The following ARID1B variants were observed in gnomAD, a reference collection of about 807,000 sequenced individuals.
ARID1B encodes the protein AT-rich interaction domain 1B.
ARID1B carries 30 observed loss-of-function variants against 212.3 expected under a neutral mutation model. The ratio of observed to expected loss-of-function variants is 0.14; its 90% confidence interval spans 0.11 to 0.19. The LOEUF (loss-of-function observed/expected upper bound fraction) is 0.19. ARID1B is among the 10% of genes least tolerant of loss of function. ARID1B has a pLI of 1.00. For synonymous variants in ARID1B, 1,402 were observed against 1,301.7 expected (o/e 1.08, Z -1.66); for missense variants, 2,891 against 3,204.0 (o/e 0.90, Z 2.36).
At chr6:157,073,259 C>T (rs1157454942) in intron 4 of ARID1B, among the ~76,000 whole-genome samples, 1 of 152,028 alleles carries the variant, frequency 6.6e-6, no homozygotes, top group East Asian at 1.9e-4. Context: ...TACACCACAA[C>T]ACCTGCCTAA....
intron 4 of ARID1B, 32 bp from the exon 5 acceptor site, chr6:157,084,625 ACGTGT>A: frequency 6.3e-7 from 1 of 1,598,980 alleles, no homozygotes; most frequent in Middle Eastern, 1.7e-4. Context: ...ATTCATCCAA[ACGTGT>A]CACTCTATAA....
intron 4 of ARID1B, among the ~76,000 whole-genome samples, chr6:157,064,196 C>T (rs368513667): frequency 4.4e-4 from 67 of 152,148 alleles, no homozygotes; most frequent in Non-Finnish European, 8.1e-4. Context: ...CTGATCAGCC[C>T]CTCGTTTGAC....
At chr6:156,786,346 C>T (rs1779629061) in intron 1 of ARID1B, among the ~76,000 whole-genome samples, 1 of 151,904 alleles carries the variant, frequency 6.6e-6, no homozygotes, top group Admixed American at 6.6e-5. Flanking sequence ...ACTTTTTAGT[C>T]CTCTGCAAAA....
At chr6:157,080,572 C>T (rs1037256130) in intron 4 of ARID1B, among the ~76,000 whole-genome samples, 1 of 152,164 alleles carries the variant, frequency 6.6e-6, no homozygotes, top group Non-Finnish European at 1.5e-5. Flanking sequence ...ATCTTTATTC[C>T]TTCTGACGCT....
chr6:156,880,774 AG>A (rs71558289), intron 2 of ARID1B, among the ~76,000 whole-genome samples: 1,080 of 42,334 alleles, frequency 0.026, 9 homozygotes, highest in African/African-American at 0.085. Context: ...AGAAAAGAAA[AG>A]AAAAACACAC....
intron 2 of ARID1B, among the ~76,000 whole-genome samples, chr6:156,848,145 G>A (rs576925243): frequency 7.2e-5 from 11 of 152,302 alleles, no homozygotes; most frequent in South Asian, 2.1e-4. Flanking sequence ...AGAAATTTCC[G>A]ATTAATACTT....
intron 3 of ARID1B, chr6:156,902,244 T>G (rs917330408): frequency 5.3e-5 from 8 of 152,210 alleles, no homozygotes; most frequent in African/African-American, 1.7e-4. Flanking sequence ...AAAGAAGTAG[T>G]GAGTGAGGGA....
At chr6:156,967,204 T>C (rs1171660078) in intron 4 of ARID1B, among the ~76,000 whole-genome samples, 2 of 152,266 alleles carry the variant, frequency 1.3e-5, no homozygotes, top group Non-Finnish European at 2.9e-5. Flanking sequence ...TTTCAAAATG[T>C]ACCTTATATT....
intron 2 of ARID1B, among the ~76,000 whole-genome samples, chr6:156,864,287 G>A (rs1035161924): frequency 3.3e-5 from 5 of 152,184 alleles, no homozygotes; most frequent in Admixed American, 3.3e-4. Flanking sequence ...GGGATAAGGA[G>A]AGGATGCTCT....
chr6:156,851,743 G>A (rs1242836468), intron 2 of ARID1B, among the ~76,000 whole-genome samples: 1 of 152,178 alleles, frequency 6.6e-6, no homozygotes, highest in Non-Finnish European at 1.5e-5. Context: ...AATATTTATT[G>A]GTCGAGTGCT....
intron 1 of ARID1B, among the ~76,000 whole-genome samples, chr6:156,790,743 G>C (rs1472167146): frequency 2.0e-5 from 3 of 152,144 alleles, no homozygotes; most frequent in Admixed American, 2.0e-4. Context: ...ATGCATACAG[G>C]AGGCAGAGAC....
At position 156,846,713 on chromosome 6, in the gene ARID1B, C is replaced by T. The variant is rs537664761; in HGVS notation, c.1986+17292C>T. ...GGCTGACTGGGGGACGGGCCTGTTA[C>T]GTGTTTTAACTGAGTCCCCGTTTTC... On this transcript the variant is annotated intron_variant, in intron 2 of 19. Coordinates refer to ENST00000636930, the MANE Select transcript of ARID1B (RefSeq NM_001374828.1). Among the ~76,000 whole-genome samples, 139 of 152,260 alleles carry T rather than the reference C, an allele frequency of 9.1e-4. 1 individual carries two copies. Among genetic ancestry groups the T allele is most frequent in the Non-Finnish European group, 1.5e-3 (103 of 68,022 alleles).
chr6:157,039,525 T>C lies in ARID1B; in HGVS notation c.2248-45137T>C, dbSNP rs183340392. Among the ~76,000 whole-genome samples the C allele has an allele frequency of 2.3e-3, 350 of 151,884 alleles. 1 individual carries two copies. Among genetic ancestry groups the C allele is most frequent in the African/African-American group, 7.8e-3 (323 of 41,414 alleles). ...TTTTGTATTTTTAGTAGAGACGGGG[T>C]TTCACCTTGTTACCCAGGATGGGAC... is the stretch of plus-strand genomic sequence containing the variant. On this transcript the variant is annotated intron_variant, in intron 4 of 19. Coordinates refer to ENST00000636930, the MANE Select transcript of ARID1B (RefSeq NM_001374828.1).
intron 4 of ARID1B, among the ~76,000 whole-genome samples, chr6:156,999,032 G>A (rs1219123162): frequency 6.6e-6 from 1 of 152,148 alleles, no homozygotes; most frequent in Non-Finnish European, 1.5e-5. Context: ...CTCTTCAGTG[G>A]TGACTTTAGC....
At position 157,018,647 on chromosome 6, in the gene ARID1B, G is replaced by A. The variant is rs77280531; in HGVS notation, c.2248-66015G>A. ...TAATCTGAAGTTTTGGATTTCTGGC[G>A]TATGAGAATTTCTGGTTTCCAGCAC... On this transcript the variant is annotated intron_variant, in intron 4 of 19. Coordinates refer to ENST00000636930, the MANE Select transcript of ARID1B (RefSeq NM_001374828.1). Among the ~76,000 whole-genome samples the A allele has an allele frequency of 5.7e-3, 868 of 152,244 alleles. 15 individuals carry two copies. The highest frequency in any genetic ancestry group is 0.02 in the African/African-American group (823 of 41,536).
intron 1 of ARID1B, among the ~76,000 whole-genome samples, chr6:156,820,196 A>G (rs542223918): frequency 6.6e-6 from 1 of 152,116 alleles, no homozygotes; most frequent in Non-Finnish European, 1.5e-5. Context: ...GATGGAAGCC[A>G]TGGTCTGGGT....
rs6919408 is a variant in ARID1B at position 156,893,507 on chromosome 6, A to G, written c.1987-7869A>G. 3.0e-3 allele frequency among the ~76,000 whole-genome samples: 460 copies of G among 152,364 alleles called. 4 individuals carry two copies. Among genetic ancestry groups the G allele is most frequent in the African/African-American group, 0.011 (441 of 41,588 alleles). On this transcript the variant is annotated intron_variant, in intron 2 of 19. Transcript: ENST00000636930. The stretch of plus-strand genomic sequence containing the variant: ...GAGAGAGTGAAAAGGTATAACCCAC[A>G]GAATAGGAGAAAATATTTGCAAATC...
intron 4 of ARID1B, among the ~76,000 whole-genome samples, chr6:157,014,639 AGTTACCAT>A (rs1488319921): frequency 6.6e-6 from 1 of 152,174 alleles, no homozygotes; most frequent in East Asian, 1.9e-4. Context: ...TGTATGACAG[AGTTACCAT>A]GTGCAATAGA....
intron 4 of ARID1B, chr6:156,943,186 T>A (rs1368837669): frequency 6.6e-6 from 1 of 152,202 alleles, no homozygotes; most frequent in East Asian, 1.9e-4. Flanking sequence ...AATAACTGAA[T>A]GGTCTTGTTT....
Sources: allele counts gnomAD v4.1 joint callset (sites outside exome capture counted in the v4.1 genomes callset), GRCh38; gene constraint gnomAD v4.1.1; transcripts MANE v1.5; gene names NCBI Gene and HGNC (gene_info 2026-07-23, HGNC 2026-07-21).